Variants in NKAIN2 observed in about 807,000 individuals in gnomAD.
NKAIN2 encodes the protein sodium/potassium transporting ATPase interacting 2.
In NKAIN2, 14 loss-of-function variants were observed where a neutral mutation model predicts 32.6. The ratio of observed to expected loss-of-function variants is 0.43; its 90% CI spans 0.28 to 0.67. The LOEUF is 0.67. Ranked by LOEUF, NKAIN2 falls within the 30% of genes least tolerant of loss-of-function variation. The pLI is 0.17. For synonymous variants in NKAIN2, 80 were observed against 87.2 expected, an observed-to-expected ratio of 0.92 and a Z score of 0.46; for missense variants, 198 against 258.3, an observed-to-expected ratio of 0.77 and a Z score of 1.60.
intron 3 of NKAIN2, among the ~76,000 whole-genome samples, chr6:124,522,984 A>T (rs1034158606): frequency 4.9e-4 from 73 of 148,300 alleles, no homozygotes; most frequent in Non-Finnish European, 8.6e-4. Context: ...TCTACTAAAA[A>T]TACAAAAAAT....
chr6:123,884,945 C>T (rs1410507764), intron 1 of NKAIN2, among the ~76,000 whole-genome samples: 3 of 152,038 alleles, frequency 2.0e-5, no homozygotes, highest in Non-Finnish European at 4.4e-5. Flanking sequence ...GATTATTTAT[C>T]ACTGTTCTAT....
At chr6:124,164,079 T>C (rs748948220) in intron 1 of NKAIN2, among the ~76,000 whole-genome samples, 25 of 152,094 alleles carry the variant, frequency 1.6e-4, no homozygotes, top group Non-Finnish European at 3.2e-4. Flanking sequence ...AAGTAAGGTA[T>C]ATGAAGAAGT....
At chr6:124,386,654 T>G (rs1772912868) in intron 3 of NKAIN2, among the ~76,000 whole-genome samples, 1 of 152,182 alleles carries the variant, frequency 6.6e-6, no homozygotes, top group Non-Finnish European at 1.5e-5. Context: ...TTGTATAAGC[T>G]GAGTCAATTG....
At chr6:123,925,311 G>A (rs1474807669) in intron 1 of NKAIN2, among the ~76,000 whole-genome samples, 1 of 152,134 alleles carries the variant, frequency 6.6e-6, no homozygotes, top group African/African-American at 2.4e-5. Flanking sequence ...AAGGACCTCA[G>A]GATTAAGCTC....
rs182255844 is a variant in NKAIN2 at position 124,234,519 on chromosome 6, A to C, written c.55-48486A>C. On this transcript the variant is annotated intron_variant, in intron 1 of 6. Coordinates refer to ENST00000368417, the MANE Select transcript of NKAIN2 (RefSeq NM_001040214.3). ...TGCTCTTTATAAATATAGAAACCAT[A>C]TTCTTATTTATCTCTTCCTATTTAG... Among the ~76,000 whole-genome samples the C allele has an allele frequency of 4.0e-3, 608 of 152,182 alleles. 1 individual carries two copies. The highest frequency in any genetic ancestry group is 6.9e-3 in the Non-Finnish European group (468 of 68,008).
chr6:124,282,235 C>G lies in NKAIN2; in HGVS notation c.55-770C>G, dbSNP rs560958559. On this transcript the variant is annotated intron_variant, in intron 1 of 6. Coordinates refer to ENST00000368417, the MANE Select transcript of NKAIN2 (RefSeq NM_001040214.3). The stretch of plus-strand genomic sequence containing the variant: ...TATGTCTTAATTATAGTTGTGAACA[C>G]AGATGAAAATAGTATAATTTAAATC... 2.8e-4 allele frequency: 94 copies of G among 340,500 alleles called. 2 individuals are homozygous for G. The highest frequency in any genetic ancestry group is 2.1e-3 in the South Asian group (91 of 43,986). 21.1% of individuals were successfully genotyped at this position (340,500 alleles called of 1,614,324 possible).
intron 2 of NKAIN2, among the ~76,000 whole-genome samples, chr6:124,324,027 G>A (rs898847749): frequency 2.9e-4 from 44 of 152,012 alleles, no homozygotes; most frequent in Middle Eastern, 6.8e-3. Flanking sequence ...TCCTGACCTC[G>A]TGATCCACCC....
chr6:124,600,572 G>A (rs968278884), intron 3 of NKAIN2, among the ~76,000 whole-genome samples: 1 of 152,062 alleles, frequency 6.6e-6, no homozygotes, highest in South Asian at 2.1e-4. Context: ...TGCTTTGAAA[G>A]TATTTCAGTA....
At chr6:124,682,506 G>A (rs1191891515) in intron 4 of NKAIN2, among the ~76,000 whole-genome samples, 4 of 152,250 alleles carry the variant, frequency 2.6e-5, no homozygotes, top group African/African-American at 4.8e-5. Flanking sequence ...TAGAGCCAGT[G>A]TTTTTGTAAG....
chr6:123,874,229 C>A (rs1009512063), intron 1 of NKAIN2, among the ~76,000 whole-genome samples: 1 of 152,166 alleles, frequency 6.6e-6, no homozygotes, highest in East Asian at 1.9e-4. Context: ...TTCCTTCCCT[C>A]TTCTGCTGAA....
At chr6:124,427,068 T>C (rs533928445) in intron 3 of NKAIN2, among the ~76,000 whole-genome samples, 5 of 152,328 alleles carry the variant, frequency 3.3e-5, no homozygotes, top group African/African-American at 7.2e-5. Flanking sequence ...GATTATAAAA[T>C]ATTACAACCA....
intron 1 of NKAIN2, among the ~76,000 whole-genome samples, chr6:124,097,162 C>T (rs1211776346): frequency 6.6e-6 from 1 of 151,950 alleles, no homozygotes. Flanking sequence ...GTAATCCCAG[C>T]ACTTTGGGAG....
intron 1 of NKAIN2, among the ~76,000 whole-genome samples, chr6:123,942,588 A>G (rs1454519639): frequency 6.6e-6 from 1 of 151,876 alleles, no homozygotes; most frequent in Non-Finnish European, 1.5e-5. Context: ...TGAATGCCTT[A>G]TTTACCTTCA....
At chr6:124,013,483 A>T (rs1780429656) in intron 1 of NKAIN2, among the ~76,000 whole-genome samples, 1 of 152,224 alleles carries the variant, frequency 6.6e-6, no homozygotes. Context: ...AGATATGAGA[A>T]ATATAAGGTG....
intron 3 of NKAIN2, among the ~76,000 whole-genome samples, chr6:124,506,239 C>G (rs933855121): frequency 6.6e-6 from 1 of 151,966 alleles, no homozygotes; most frequent in Non-Finnish European, 1.5e-5. Flanking sequence ...AAAACGGAAC[C>G]TTTCATTTCT....
intron 3 of NKAIN2, among the ~76,000 whole-genome samples, chr6:124,398,995 T>G (rs1364610482): frequency 6.6e-6 from 1 of 152,152 alleles, no homozygotes; most frequent in Non-Finnish European, 1.5e-5. Context: ...GGTGTGATAT[T>G]GGCTTATTGC....
intron 2 of NKAIN2, among the ~76,000 whole-genome samples, chr6:124,339,484 G>A (rs970525713): frequency 6.6e-6 from 1 of 152,118 alleles, no homozygotes; most frequent in African/African-American, 2.4e-5. Context: ...CCTCTTCCAG[G>A]TTCTGTTAGC....
At chr6:124,576,905 C>G (rs1160773560) in intron 3 of NKAIN2, among the ~76,000 whole-genome samples, 2 of 152,166 alleles carry the variant, frequency 1.3e-5, no homozygotes, top group African/African-American at 2.4e-5. Context: ...CTTCATGACT[C>G]TGGTTAGGCA....
At chr6:124,331,839 A>G (rs1199008202) in intron 2 of NKAIN2, among the ~76,000 whole-genome samples, 1 of 152,162 alleles carries the variant, frequency 6.6e-6, no homozygotes, top group East Asian at 1.9e-4. Context: ...TAAAGATACA[A>G]TGGTTATTTC....
Sources: allele counts gnomAD v4.1 joint callset (sites outside exome capture counted in the v4.1 genomes callset), GRCh38; gene constraint gnomAD v4.1.1; transcripts MANE v1.5; gene names NCBI Gene and HGNC (gene_info 2026-07-23, HGNC 2026-07-21).